The following LRRC37A variants were observed in gnomAD, a reference collection of about 807,000 sequenced individuals.
The protein encoded by LRRC37A is leucine-rich repeat-containing protein 37A.
Under a neutral mutation model 35.4 loss-of-function variants are expected in LRRC37A, and 3 were observed. The ratio of observed to expected loss-of-function variants is 0.08; its 90% confidence interval spans 0.04 to 0.22. LRRC37A has a LOEUF of 0.22. Ranked by LOEUF, LRRC37A falls within the 10% of genes least tolerant of loss-of-function variation. The pLI, the probability that LRRC37A is intolerant of heterozygous loss-of-function variation, is 1.00. For missense variants in LRRC37A, 67 were observed against 565.3 expected (o/e 0.12, Z 8.94); for synonymous variants, 23 against 215.0 (o/e 0.11, Z 7.81).
At chr17:46,280,693 C>T in the LRRC37A span, among the ~76,000 whole-genome samples, 1 of 151,630 alleles carries the variant, frequency 6.6e-6, no homozygotes, top group South Asian at 2.1e-4. Flanking sequence ...CATGCCTCAG[C>T]CTCCTGTGTG....
the LRRC37A span, among the ~76,000 whole-genome samples, chr17:46,262,562 T>C: frequency 7.9e-5 from 12 of 152,208 alleles, no homozygotes; most frequent in African/African-American, 2.4e-4. Flanking sequence ...TCCTTTTTTG[T>C]TCATCCTGTT....
chr17:46,269,331 C>G, the LRRC37A span, among the ~76,000 whole-genome samples: 1 of 152,116 alleles, frequency 6.6e-6, no homozygotes, highest in African/African-American at 2.4e-5. Context: ...GTCCGGAGTT[C>G]GAGACCAGGC....
chr17:46,332,925 T>C (rs188242700), intron 10 of LRRC37A, among the ~76,000 whole-genome samples: 3 of 151,580 alleles, frequency 2.0e-5, no homozygotes, highest in African/African-American at 7.3e-5. Context: ...TAGCAAAATT[T>C]CTCCCACCCA....
the LRRC37A span, among the ~76,000 whole-genome samples, chr17:46,252,392 TA>T: frequency 3.5e-5 from 5 of 143,294 alleles, no homozygotes; most frequent in Admixed American, 1.4e-4. Flanking sequence ...TTTTTTTTTT[TA>T]ATTGATCATT....
intron 3 of LRRC37A, among the ~76,000 whole-genome samples, chr17:46,304,789 CTTTTAT>C (rs778004572): frequency 1.9e-5 from 1 of 52,350 alleles, no homozygotes; most frequent in Non-Finnish European, 6.7e-5. Flanking sequence ...GAAAGGATGT[CTTTTAT>C]TTCTTCTGAT....
chr17:46,280,330 C>T, the LRRC37A span, among the ~76,000 whole-genome samples: 1 of 152,010 alleles, frequency 6.6e-6, no homozygotes, highest in Non-Finnish European at 1.5e-5. Context: ...CACCACTGCA[C>T]TCCAGCCTGG....
chr17:46,273,865 C>CA, the LRRC37A span, among the ~76,000 whole-genome samples: 3 of 152,228 alleles, frequency 2.0e-5, no homozygotes, highest in African/African-American at 7.2e-5. Flanking sequence ...GATCATCTAA[C>CA]AAAAAATGTC....
chr17:46,264,916 CTG>C, the LRRC37A span, among the ~76,000 whole-genome samples: 1 of 152,270 alleles, frequency 6.6e-6, no homozygotes, highest in Non-Finnish European at 1.5e-5. Context: ...GTGGTTGTAA[CTG>C]AGAAATCTTA....
the LRRC37A span, among the ~76,000 whole-genome samples, chr17:46,264,260 G>A: frequency 6.6e-6 from 1 of 151,574 alleles, no homozygotes; most frequent in Middle Eastern, 3.2e-3. Flanking sequence ...CACTGAGCCT[G>A]GCCTACAAAT....
At chr17:46,292,919 T>C (rs2143481100), upstream of LRRC37A, 1 of 68,410 alleles carries the variant, frequency 1.5e-5, no homozygotes, top group African/African-American at 3.6e-5. Flanking sequence ...AATGGAGCTA[T>C]CCCTATATAG....
At chr17:46,254,096 C>T in the LRRC37A span, among the ~76,000 whole-genome samples, 1 of 152,204 alleles carries the variant, frequency 6.6e-6, no homozygotes, top group Admixed American at 6.5e-5. Flanking sequence ...GCCTCATCCT[C>T]ACAACGACAG....
the LRRC37A span, among the ~76,000 whole-genome samples, chr17:46,281,685 C>T: frequency 6.6e-6 from 1 of 152,068 alleles, no homozygotes; most frequent in Non-Finnish European, 1.5e-5. Context: ...TCACTGTCAC[C>T]CAGGCTGGAG....
the LRRC37A span, among the ~76,000 whole-genome samples, chr17:46,280,439 C>G: frequency 3.9e-5 from 6 of 152,246 alleles, no homozygotes; most frequent in South Asian, 1.2e-3. Flanking sequence ...TCTGGGAGGC[C>G]AAGGTTGGCG....
At chr17:46,263,854 CAAAAAA>C in the LRRC37A span, among the ~76,000 whole-genome samples, 2 of 96,250 alleles carry the variant, frequency 2.1e-5, no homozygotes, top group African/African-American at 8.4e-5. Flanking sequence ...GACTCTGTCT[CAAAAAA>C]AAAAAAAAAA....
chr17:46,266,968 C>T, the LRRC37A span: 1 of 154,862 alleles, frequency 6.5e-6, no homozygotes, highest in African/African-American at 2.4e-5. Context: ...CCGGCCCTGC[C>T]CACCCCAACC....
rs1406512278 is a variant in LRRC37A at position 46,324,509 on chromosome 17, CTTTTTTA to C, written c.3053+1496_3053+1502del. Among the ~76,000 whole-genome samples the C allele has an allele frequency of 1.1e-4, 8 of 75,208 alleles. 1 individual carries two copies. Among genetic ancestry groups the C allele is most frequent in the Admixed American group, 5.7e-4 (4 of 7,040 alleles). The allele number at this position is 75,208 out of a possible 152,430, so 49.3% of individuals were successfully genotyped here. A position where few individuals can be genotyped will look rare whatever the true frequency, so the allele number is the denominator to read the frequency against. On this transcript the variant is annotated intron_variant, in intron 7 of 13. Transcript: ENST00000320254. ...GAGTCAATTTGCATATGTGATGTAT[CTTTTTTA>C]TTTTTTATTTTTTTGTAGAAATGAG...
the LRRC37A span, among the ~76,000 whole-genome samples, chr17:46,261,753 G>A: frequency 0.053 from 6,769 of 128,384 alleles, 1 homozygote; most frequent in Non-Finnish European, 0.089. Context: ...AAAAAAAGAA[G>A]AAGAAGAAGA....
the LRRC37A span, among the ~76,000 whole-genome samples, chr17:46,279,900 C>G: frequency 6.6e-6 from 1 of 152,124 alleles, no homozygotes; most frequent in East Asian, 1.9e-4. Context: ...GTTTTTCTGT[C>G]TTAAACAAAT....
the LRRC37A span, among the ~76,000 whole-genome samples, chr17:46,287,678 T>C: frequency 6.6e-6 from 1 of 152,278 alleles, no homozygotes; most frequent in Admixed American, 6.5e-5. Context: ...GGCAGTGGCC[T>C]GGCTAGTTAA....
Sources: allele counts gnomAD v4.1 joint callset (sites outside exome capture counted in the v4.1 genomes callset), GRCh38; gene constraint gnomAD v4.1.1; transcripts MANE v1.5; gene names NCBI Gene and HGNC (gene_info 2026-07-23, HGNC 2026-07-21).